The following PDE10A variants were observed in gnomAD, a reference collection of about 807,000 sequenced individuals.
PDE10A encodes cAMP and cAMP-inhibited cGMP 3',5'-cyclic phosphodiesterase 10A.
PDE10A carries 39 observed loss-of-function variants against 97.7 expected under a neutral mutation model. The observed-to-expected ratio is 0.40, with a 90% CI of 0.31 to 0.52. The LOEUF (loss-of-function observed/expected upper bound fraction) is 0.52, where lower values mean the gene tolerates loss of function less well. Among genes scored for constraint, PDE10A ranks in the 20% least tolerant of loss-of-function variants. The pLI is 0.56. For synonymous variants in PDE10A, 371 were observed against 376.8 expected (o/e 0.98, Z 0.18); for missense variants, 731 against 1,047.8 (o/e 0.70, Z 4.17).
chr6:165,714,032 G>A (rs1359312652), intron 1 of PDE10A, among the ~76,000 whole-genome samples: 1 of 152,202 alleles, frequency 6.6e-6, no homozygotes, highest in Non-Finnish European at 1.5e-5. Context: ...AGCTGTGTGA[G>A]CTCTAATACA....
rs1159735811 is a variant in PDE10A, at chr6:165,905,981, CTCCTTCCTTCCT to C, written c.-615+81536_-615+81547del. Among the ~76,000 whole-genome samples the C allele has an allele frequency of 2.7e-4, 25 of 92,588 alleles. 1 individual carries two copies. The highest frequency in any genetic ancestry group is 3.6e-4 in the Non-Finnish European group (15 of 41,940). The allele number at this position is 92,588 out of a possible 152,430, so 60.7% of individuals were successfully genotyped here. ...TTGTTCCTTTTTACCTTCCCTTTTT[CTCCTTCCTTCCT>C]TCCTTCCTTCCTTCCTTCCTTCCCT... On this transcript the variant is annotated intron_variant, in intron 1 of 19. Coordinates refer to the PDE10A transcript ENST00000366882.
chr6:165,389,152 G>T (rs559321559), intron 16 of PDE10A, among the ~76,000 whole-genome samples: 2 of 152,112 alleles, frequency 1.3e-5, no homozygotes, highest in Non-Finnish European at 2.9e-5. Flanking sequence ...GGCCAGTGGG[G>T]TCGAGGGCAG....
At chr6:165,749,330 T>TTACCATC (rs1562717372) in intron 1 of PDE10A, among the ~76,000 whole-genome samples, 1 of 8,290 alleles carries the variant, frequency 1.2e-4, no homozygotes, top group African/African-American at 4.6e-4. Context: ...CCATCACCAA[T>TTACCATC]ACCACCATCA....
chr6:165,468,899 C>G (rs1189752224), intron 3 of PDE10A, among the ~76,000 whole-genome samples: 1 of 152,174 alleles, frequency 6.6e-6, no homozygotes, highest in Non-Finnish European at 1.5e-5. Flanking sequence ...ACTGGGACCA[C>G]CCATCTTTAT....
intron 1 of PDE10A, among the ~76,000 whole-genome samples, chr6:165,972,095 C>T (rs1784696800): frequency 6.6e-6 from 1 of 152,098 alleles, no homozygotes; most frequent in African/African-American, 2.4e-5. Flanking sequence ...GAAAGAATCT[C>T]ACTTAAAGAA....
intron 1 of PDE10A, among the ~76,000 whole-genome samples, chr6:165,972,086 A>C (rs1784696419): frequency 6.6e-6 from 1 of 152,178 alleles, no homozygotes; most frequent in Non-Finnish European, 1.5e-5. Context: ...AGGAAGCCTG[A>C]AAGAATCTCA....
At chr6:165,840,675 C>T (rs1027336543) in intron 1 of PDE10A, among the ~76,000 whole-genome samples, 2 of 152,134 alleles carry the variant, frequency 1.3e-5, no homozygotes, top group African/African-American at 2.4e-5. Context: ...ACACAGCACT[C>T]GAAATGGTTA....
chr6:165,843,845 A>G (rs1449495226), intron 1 of PDE10A, among the ~76,000 whole-genome samples: 1 of 152,220 alleles, frequency 6.6e-6, no homozygotes, highest in Non-Finnish European at 1.5e-5. Context: ...TCTGAGGAGC[A>G]AAGGCTCAAG....
At chr6:165,884,307 A>G (rs530501233) in intron 1 of PDE10A, among the ~76,000 whole-genome samples, 7 of 152,242 alleles carry the variant, frequency 4.6e-5, no homozygotes, top group Non-Finnish European at 8.8e-5. Flanking sequence ...AAAGCTTTAT[A>G]AAACTGTGAT....
chr6:165,603,363 C>T (rs1018785052), intron 1 of PDE10A, among the ~76,000 whole-genome samples: 6 of 152,190 alleles, frequency 3.9e-5, no homozygotes, highest in Admixed American at 2.0e-4. Flanking sequence ...CACTGTAACA[C>T]ACATGTTAGT....
chr6:165,560,653 G>T (rs541647963), intron 1 of PDE10A, among the ~76,000 whole-genome samples: 1 of 152,096 alleles, frequency 6.6e-6, no homozygotes, highest in Non-Finnish European at 1.5e-5. Context: ...AAAAAGAAAC[G>T]TATTTTCCAA....
chr6:165,961,336 C>T (rs1043710254), intron 1 of PDE10A, among the ~76,000 whole-genome samples: 1 of 152,198 alleles, frequency 6.6e-6, no homozygotes, highest in African/African-American at 2.4e-5. Flanking sequence ...AACCTTTCTT[C>T]TCTATAGAGT....
chr6:165,532,607 A>C (rs1782850854), intron 2 of PDE10A, among the ~76,000 whole-genome samples: 2 of 151,948 alleles, frequency 1.3e-5, no homozygotes, highest in African/African-American at 4.8e-5. Context: ...CATCAGAATT[A>C]CCTGGGGAGC....
At chr6:165,879,296 AGG>A (rs1175222895) in intron 1 of PDE10A, among the ~76,000 whole-genome samples, 2 of 152,226 alleles carry the variant, frequency 1.3e-5, no homozygotes, top group Non-Finnish European at 2.9e-5. Context: ...AAATTTGCTA[AGG>A]GAGTTCAAGC....
chr6:165,709,582 A>C (rs1200889654), intron 1 of PDE10A, among the ~76,000 whole-genome samples: 17 of 19,506 alleles, frequency 8.7e-4, no homozygotes, highest in Admixed American at 1.2e-3. Context: ...TATCCCCCAC[A>C]CTCTCCACCT....
At chr6:165,428,610 TGGGCCTAA>T in intron 10 of PDE10A, 40 bp downstream of exon 10, 1 of 785,502 alleles carries the variant, frequency 1.3e-6, no homozygotes, top group Non-Finnish European at 2.2e-6. Flanking sequence ...ATTAGCACCA[TGGGCCTAA>T]GGGTTAAACA....
At chr6:165,552,474 C>T (rs993769382) in intron 1 of PDE10A, among the ~76,000 whole-genome samples, 6 of 152,182 alleles carry the variant, frequency 3.9e-5, no homozygotes, top group African/African-American at 1.2e-4. Context: ...TGAACACCTG[C>T]GTTCCTTCTG....
chr6:165,932,626 G>A (rs560111166), intron 1 of PDE10A, among the ~76,000 whole-genome samples: 17 of 151,788 alleles, frequency 1.1e-4, no homozygotes, highest in African/African-American at 3.4e-4. Context: ...ATGAGCCACC[G>A]CACCCAGCCT....
At chr6:165,740,749 A>T (rs1437246569) in intron 1 of PDE10A, among the ~76,000 whole-genome samples, 1 of 152,210 alleles carries the variant, frequency 6.6e-6, no homozygotes, top group Non-Finnish European at 1.5e-5. Context: ...AAGGACAAAT[A>T]CTGCATGACC....
Sources: gnomAD v4.1 joint callset for allele counts (sites outside exome capture counted in the v4.1 genomes callset) on GRCh38, gnomAD v4.1.1 for gene constraint, MANE v1.5 for transcripts, NCBI Gene and HGNC (gene_info 2026-07-23, HGNC 2026-07-21) for gene names.